DSCAM: variants seen among roughly 807,000 people sequenced by gnomAD.
DSCAM encodes cell adhesion molecule DSCAM.
A neutral mutation model predicts 217.7 loss-of-function variants in DSCAM; 47 were observed. The ratio of observed to expected loss-of-function variants is 0.22; its 90% confidence interval spans 0.17 to 0.28. DSCAM has a LOEUF of 0.28. Among genes scored for constraint, DSCAM ranks in the 10% least tolerant of loss-of-function variants. DSCAM has a pLI of 1.00. For synonymous variants in DSCAM, 1,056 were observed against 1,015.3 expected, an observed-to-expected ratio of 1.04 and a Z score of -0.76; for missense variants, 2,080 against 2,618.3, an observed-to-expected ratio of 0.79 and a Z score of 4.49.
intron 3 of DSCAM, among the ~76,000 whole-genome samples, chr21:40,412,158 G>C (rs2075329164): frequency 6.6e-6 from 1 of 152,166 alleles, no homozygotes; most frequent in African/African-American, 2.4e-5. Context: ...TGTAGGTCCA[G>C]TTAAACCTCT....
At chr21:40,845,476 C>T (rs965293415) in intron 1 of DSCAM, among the ~76,000 whole-genome samples, 4 of 151,514 alleles carry the variant, frequency 2.6e-5, no homozygotes, top group Non-Finnish European at 5.9e-5. Flanking sequence ...CTCCCCTTTG[C>T]TTCTCGTATT....
chr21:40,342,136 G>C (rs1292092734), intron 6 of DSCAM, among the ~76,000 whole-genome samples: 1 of 151,992 alleles, frequency 6.6e-6, no homozygotes, highest in Non-Finnish European at 1.5e-5. Context: ...ATATTAGACT[G>C]TTTGCCTTTT....
chr21:40,095,197 G>A (rs995048372), intron 20 of DSCAM, among the ~76,000 whole-genome samples: 6 of 152,322 alleles, frequency 3.9e-5, no homozygotes, highest in Middle Eastern at 3.4e-3. Flanking sequence ...TATATCTCAG[G>A]AGACTTATTC....
At chr21:40,445,197 G>C (rs1036784188) in intron 3 of DSCAM, among the ~76,000 whole-genome samples, 2 of 152,030 alleles carry the variant, frequency 1.3e-5, no homozygotes, top group South Asian at 4.1e-4. Context: ...TTCCCAAAAG[G>C]CTCTACCTCT....
At chr21:40,771,977 C>T (rs1029511308) in intron 1 of DSCAM, among the ~76,000 whole-genome samples, 9 of 152,224 alleles carry the variant, frequency 5.9e-5, no homozygotes, top group Non-Finnish European at 8.8e-5. Context: ...AATGTGAATA[C>T]GTTCATGGGA....
chr21:40,817,086 CT>C lies in DSCAM; in HGVS notation c.43+29532del, dbSNP rs397772533. Among the ~76,000 whole-genome samples, 1,405 of 147,290 alleles carry C rather than the reference CT, an allele frequency of 9.5e-3. 12 individuals are homozygous for C. The highest frequency in any genetic ancestry group is 0.029 in the African/African-American group (1,160 of 40,046). ...TTAAAGATATGCAGTAAATTAGATTCTTTTTTTTTTTTGGTGCCAACAATTA... is the reference window on the plus strand; with the variant it reads ...TTAAAGATATGCAGTAAATTAGATTCTTTTTTTTTTTGGTGCCAACAATTA... On this transcript the variant is annotated intron_variant, in intron 1 of 32. Coordinates refer to ENST00000400454, the MANE Select transcript of DSCAM (RefSeq NM_001389.5).
intron 3 of DSCAM, among the ~76,000 whole-genome samples, chr21:40,412,459 G>C (rs550755658): frequency 2.6e-5 from 4 of 152,346 alleles, no homozygotes; most frequent in African/African-American, 4.8e-5. Context: ...GTCTCAGATG[G>C]AGATGAGGAA....
intron 3 of DSCAM, among the ~76,000 whole-genome samples, chr21:40,461,715 G>C (rs1029671503): frequency 6.6e-6 from 1 of 152,164 alleles, no homozygotes; most frequent in African/African-American, 2.4e-5. Flanking sequence ...TATCCACGTG[G>C]GTCCAAGGTA....
At chr21:40,684,238 A>AG (rs1187081833) in intron 3 of DSCAM, among the ~76,000 whole-genome samples, 2 of 152,160 alleles carry the variant, frequency 1.3e-5, no homozygotes. Flanking sequence ...AAAAGAAAAA[A>AG]GAAAAAAGAA....
At chr21:40,035,214 T>A (rs62235608) in intron 32 of DSCAM, among the ~76,000 whole-genome samples, 4,347 of 91,496 alleles carry the variant, frequency 0.048, 45 homozygotes, top group Middle Eastern at 0.093. Flanking sequence ...AAAGACACAG[T>A]CTGGCAAATT....
chr21:40,028,692 C>T (rs151218731), intron 32 of DSCAM, among the ~76,000 whole-genome samples: 2 of 152,206 alleles, frequency 1.3e-5, no homozygotes, highest in South Asian at 4.1e-4. Flanking sequence ...GAGGCAATGC[C>T]TCGCTCTGCT....
chr21:40,620,269 AAG>A (rs2089482896), intron 3 of DSCAM, among the ~76,000 whole-genome samples: 1 of 142,302 alleles, frequency 7.0e-6, no homozygotes, highest in Non-Finnish European at 1.5e-5. Context: ...AAGAAAAAGA[AAG>A]AAAGAGAGAA....
At chr21:40,075,239 T>C in intron 26 of DSCAM, 26 bp from the exon 27 acceptor site, 1 of 1,613,172 alleles carries the variant, frequency 6.2e-7, no homozygotes, top group Non-Finnish European at 8.5e-7. Flanking sequence ...CGGTGTTAGA[T>C]GGCTATTAAT....
intron 3 of DSCAM, among the ~76,000 whole-genome samples, chr21:40,512,072 G>A (rs1025094951): frequency 2.0e-5 from 3 of 150,544 alleles, no homozygotes; most frequent in African/African-American, 7.4e-5. Context: ...TTTCTCCAAT[G>A]AGAAAGGCAA....
chr21:40,845,418 G>A (rs1336165001), intron 1 of DSCAM, among the ~76,000 whole-genome samples: 1 of 152,072 alleles, frequency 6.6e-6, no homozygotes. Context: ...CTGCCTTGCA[G>A]CCAACACACA....
intron 3 of DSCAM, chr21:40,383,722 T>C (rs949904632): frequency 2.6e-5 from 4 of 152,250 alleles, no homozygotes; most frequent in African/African-American, 9.6e-5. Context: ...TTTAATATTA[T>C]TGTTTTTCTT....
intron 1 of DSCAM, among the ~76,000 whole-genome samples, chr21:40,757,855 C>G (rs1003338231): frequency 6.6e-6 from 1 of 152,192 alleles, no homozygotes; most frequent in Non-Finnish European, 1.5e-5. Context: ...GGGGAATACA[C>G]GTATATCCAT....
At chr21:40,562,184 T>C (rs979769261) in intron 3 of DSCAM, among the ~76,000 whole-genome samples, 102 of 152,320 alleles carry the variant, frequency 6.7e-4, no homozygotes, top group African/African-American at 2.4e-3. Flanking sequence ...TGTTGAGGGA[T>C]AGAGCTGGTG....
rs1358199955 is a variant in DSCAM, at chr21:40,442,513, TTTTG to T, written c.509-73272_509-73269del. Among the ~76,000 whole-genome samples, 45 of 85,138 alleles carry T rather than the reference TTTTG, an allele frequency of 5.3e-4. 15 individuals carry two copies. The highest frequency in any genetic ancestry group is 9.9e-4 in the Non-Finnish European group (36 of 36,346). 55.9% of individuals were successfully genotyped at this position (85,138 alleles called of 152,430 possible). On this transcript the variant is annotated intron_variant, in intron 3 of 32. Coordinates refer to ENST00000400454, the MANE Select transcript of DSCAM (RefSeq NM_001389.5). ...TACAAATTAAGACCCCTAATTTTTT[TTTTG>T]TTTTTTTTTTTTTTTTTGGTGAGAT...
Sources: allele counts gnomAD v4.1 joint callset (sites outside exome capture counted in the v4.1 genomes callset), GRCh38; gene constraint gnomAD v4.1.1; transcripts MANE v1.5; gene names NCBI Gene and HGNC (gene_info 2026-07-23, HGNC 2026-07-21).